The following NFIC variants were observed in gnomAD, a reference collection of about 807,000 sequenced individuals.
NFIC encodes nuclear factor I C, also known as nuclear factor 1 C-type.
Under a neutral mutation model 54.4 loss-of-function variants are expected in NFIC, and 12 were observed. The observed-to-expected ratio is 0.22, with a 90% CI of 0.14 to 0.36. The LOEUF (loss-of-function observed/expected upper bound fraction) is 0.36, where lower values mean the gene tolerates loss of function less well. NFIC is among the 10% of genes least tolerant of loss of function. The pLI is 1.00. For missense variants in NFIC, 575 were observed against 718.2 expected, an observed-to-expected ratio of 0.80 and a Z score of 2.28; for synonymous variants, 322 against 319.2, an observed-to-expected ratio of 1.01 and a Z score of -0.09.
rs770956992 is a variant in NFIC at position 3,452,491 on chromosome 19, G to A, written c.1094G>A (p.Arg365Gln). Residue 365 changes from arginine (R) to glutamine (Q), a missense_variant, in exon 8 of 11, where the codon CGG becomes CAG. Around this residue, in one of 3 missense-constraint regions of NFIC, gnomAD observed 447 missense variants for 526.9 expected, o/e 0.85. Coordinates refer to ENST00000443272, the MANE Select transcript of NFIC (RefSeq NM_001245002.2). This position sits in a 1 kb window ranked among gnomAD's most constrained non-coding sequence, Gnocchi z 5.3. ...CCCACTGTCTCCGCAGGGATCGCCCGGAGCCCACACCCGTCCTCCGCTCTG... is the reference window on the plus strand; with the variant it reads ...CCCACTGTCTCCGCAGGGATCGCCCAGAGCCCACACCCGTCCTCCGCTCTG... ...PVIAVHSGIA[R>Q]SPHPSSALHF... 17 of 1,611,800 alleles carry A rather than the reference G, an allele frequency of 1.1e-5. No individual in the cohort carries two copies. The highest frequency in any genetic ancestry group is 2.2e-5 in the East Asian group (1 of 44,872).
At position 3,381,900 on chromosome 19, in the gene NFIC, G is replaced by C. The variant is rs750273583; in HGVS notation, c.219G>C (p.Ala73=). 1 of 1,613,836 alleles carries C rather than the reference G, an allele frequency of 6.2e-7. No individual in the cohort carries two copies. Among genetic ancestry groups the C allele is most frequent in the South Asian group, 1.1e-5 (1 of 91,082 alleles). ...GEKPEVKQKW[A]SRLLAKLRKD... ...AGCCCGAGGTCAAGCAGAAGTGGGC[G>C]TCGCGGCTGCTGGCCAAGCTGCGCA... Residue 73 remains alanine, a synonymous_variant, in exon 2 of 11, where the codon GCG becomes GCC. Coordinates refer to ENST00000443272, the MANE Select transcript of NFIC (RefSeq NM_001245002.2).
rs1043570094 is a variant in NFIC at position 3,458,638 on chromosome 19, G to A, written c.1509+2003G>A. On this transcript the variant is annotated intron_variant, in intron 10 of 10. Transcript: ENST00000443272. This position sits in a 1 kb window ranked among gnomAD's most constrained non-coding sequence, Gnocchi z 4.1. ...GGGCTGGCAGAATGGGGTGTGGGGG[G>A]GCACTGGCAAGGGGCTCAGCATAGG... Among the ~76,000 whole-genome samples, 3 of 152,096 alleles carry A rather than the reference G, an allele frequency of 2.0e-5. No individual in the cohort carries two copies. Among genetic ancestry groups the A allele is most frequent in the Admixed American group, 6.5e-5 (1 of 15,274 alleles).
At chr19:3,434,566 C>A (rs1341389442) in intron 5 of NFIC, among the ~76,000 whole-genome samples, 166 bp downstream of exon 5, 1 of 152,182 alleles carries the variant, frequency 6.6e-6, no homozygotes, top group African/African-American at 2.4e-5. Flanking sequence ...GCCAGCCCCA[C>A]GTGCCTCTTC....
rs2082475712 is a variant in NFIC, at chr19:3,452,221, C to A, written c.1085-261C>A. ...AGGAGTTCGAGACCTGCCTGGGCAA[C>A]ATAGCAAGACCCCCACCTCTACAAA... On this transcript the variant is annotated intron_variant, in intron 7 of 10. Transcript: ENST00000443272. This position sits in a 1 kb window ranked among gnomAD's most constrained non-coding sequence, Gnocchi z 5.3. Among the ~76,000 whole-genome samples the A allele has an allele frequency of 1.3e-5, 2 of 151,690 alleles. No homozygotes were observed. Among genetic ancestry groups the A allele is most frequent in the Non-Finnish European group, 2.9e-5 (2 of 67,990 alleles).
chr19:3,458,371 A>AGCT lies in NFIC; in HGVS notation c.1509+1739_1509+1741dup, dbSNP rs1275553241. Among the ~76,000 whole-genome samples, 12 of 152,208 alleles carry AGCT rather than the reference A, an allele frequency of 7.9e-5. No individual in the cohort carries two copies. In the South Asian group the frequency reaches 2.1e-3, roughly 26 times the overall value. ...TGGTTCAGAAACCAAAGCTAATAAA[A>AGCT]GCTGCGGTGGGAGGAGGCCCAGCCC... On this transcript the variant is annotated intron_variant, in intron 10 of 10. Transcript: ENST00000443272. This position sits in a 1 kb window ranked among gnomAD's most constrained non-coding sequence, Gnocchi z 4.1.
intron 10 of NFIC, among the ~76,000 whole-genome samples, chr19:3,462,369 C>T (rs1195528720): frequency 4.6e-5 from 7 of 152,074 alleles, no homozygotes; most frequent in South Asian, 4.2e-4. Flanking sequence ...GCAACAAGAG[C>T]GAAACTCCAT....
intron 1 of NFIC, among the ~76,000 whole-genome samples, chr19:3,359,837 C>T (rs899320532): frequency 4.0e-5 from 6 of 150,354 alleles, no homozygotes; most frequent in African/African-American, 1.5e-4. Flanking sequence ...CCAGTCGCCA[C>T]GGGACCCCTA....
chr19:3,439,502 T>A (rs1031372680), intron 6 of NFIC, among the ~76,000 whole-genome samples: 1 of 148,024 alleles, frequency 6.8e-6, no homozygotes, highest in African/African-American at 2.5e-5. Context: ...ATTAGCCGGG[T>A]GTGGTGGTGG....
At chr19:3,367,271 A>C (rs2080908625) in intron 1 of NFIC, among the ~76,000 whole-genome samples, 1 of 152,132 alleles carries the variant, frequency 6.6e-6, no homozygotes, top group Non-Finnish European at 1.5e-5. Flanking sequence ...AGGAGGGGGA[A>C]GGGTGCTCCG....
intron 6 of NFIC, among the ~76,000 whole-genome samples, chr19:3,439,200 T>C (rs1194785237): frequency 2.0e-5 from 3 of 149,302 alleles, no homozygotes; most frequent in Non-Finnish European, 3.0e-5. Context: ...CATCACATAG[T>C]GGTGTACACC....
upstream of NFIC, among the ~76,000 whole-genome samples, chr19:3,364,355 G>A (rs548519528): frequency 3.6e-4 from 55 of 152,268 alleles, 1 homozygote; most frequent in African/African-American, 1.1e-3. Flanking sequence ...ATGAGCTGGC[G>A]TCGCCCCATT....
chr19:3,407,304 G>A (rs534127313), intron 2 of NFIC, among the ~76,000 whole-genome samples: 3 of 151,716 alleles, frequency 2.0e-5, no homozygotes, highest in East Asian at 1.9e-4. Flanking sequence ...TAGTAGAGAC[G>A]GGGTTTCACT....
upstream of NFIC, among the ~76,000 whole-genome samples, chr19:3,363,566 C>T (rs1171509134): frequency 2.0e-5 from 3 of 149,814 alleles, no homozygotes; most frequent in Non-Finnish European, 4.4e-5. Flanking sequence ...GCCACTACAA[C>T]CGGCCAAAGG....
intron 2 of NFIC, among the ~76,000 whole-genome samples, chr19:3,398,586 G>A (rs2081502070): frequency 6.6e-6 from 1 of 152,106 alleles, no homozygotes; most frequent in African/African-American, 2.4e-5. Flanking sequence ...TGCTGTCTCT[G>A]GGAATCCCAG....
intron 3 of NFIC, among the ~76,000 whole-genome samples, chr19:3,432,145 GCTGT>G (rs1381723121): frequency 2.6e-5 from 4 of 152,126 alleles, no homozygotes; most frequent in African/African-American, 9.7e-5. Context: ...CTGTCCCCAA[GCTGT>G]CTGAGGTTGG....
At chr19:3,363,341 G>A (rs971891870), upstream of NFIC, among the ~76,000 whole-genome samples, 25 of 142,428 alleles carry the variant, frequency 1.8e-4, no homozygotes, top group Admixed American at 1.0e-3. Flanking sequence ...GCATGATCCT[G>A]GCTCACTGCA....
chr19:3,418,734 C>T (rs574590545), intron 2 of NFIC, among the ~76,000 whole-genome samples: 1 of 152,218 alleles, frequency 6.6e-6, no homozygotes, highest in African/African-American at 2.4e-5. Context: ...AGCCTGTAGT[C>T]CCAGCTACTC....
rs544338288 is a variant in NFIC at position 3,381,571 on chromosome 19, G to A, written c.31-141G>A. The A allele has an allele frequency of 6.9e-6, 9 of 1,303,712 alleles. 1 individual carries two copies. The Middle Eastern group carries it at 7.9e-4, about 114-fold the overall frequency. The allele number at this position is 1,303,712 out of a possible 1,614,324, so 80.8% of individuals were successfully genotyped here. A position where few individuals can be genotyped will look rare whatever the true frequency, so the allele number is the denominator to read the frequency against. On this transcript the variant is annotated intron_variant, in intron 1 of 10. Coordinates refer to ENST00000443272, the MANE Select transcript of NFIC (RefSeq NM_001245002.2). ...CCGGCGGCGTGCACGGGTCCGCAGC[G>A]ACCCCCTGCCCACCTCTGCCCAGCC...
intron 1 of NFIC, among the ~76,000 whole-genome samples, chr19:3,361,223 G>A (rs1418792122): frequency 6.6e-6 from 1 of 152,184 alleles, no homozygotes; most frequent in South Asian, 2.1e-4. Context: ...GCGCTTGCGC[G>A]GGGACCTGCC....
Sources: allele counts gnomAD v4.1 joint callset (sites outside exome capture counted in the v4.1 genomes callset), GRCh38; gene constraint gnomAD v4.1.1; regional missense constraint gnomAD v4.1.1; non-coding constraint Gnocchi (gnomAD v3.1); transcripts MANE v1.5; gene names NCBI Gene and HGNC (gene_info 2026-07-23, HGNC 2026-07-21).